Variants in MCTP1 observed in about 807,000 individuals in gnomAD.
MCTP1 encodes the protein multiple C2 and transmembrane domain containing 1, also known as multiple C2 and transmembrane domain-containing protein 1.
In MCTP1, 69 loss-of-function variants were observed where a neutral mutation model predicts 120.6. The observed-to-expected ratio is 0.57, with a 90% CI of 0.47 to 0.70. The LOEUF (loss-of-function observed/expected upper bound fraction) is 0.70, where lower values mean the gene tolerates loss of function less well. MCTP1 is among the 30% of genes least tolerant of loss of function. MCTP1 has a pLI of 0.00. For synonymous variants in MCTP1, 529 were observed against 493.1 expected, an observed-to-expected ratio of 1.07 and a Z score of -0.96; for missense variants, 1,203 against 1,248.8, an observed-to-expected ratio of 0.96 and a Z score of 0.55.
chr5:95,074,117 A>G (rs1752950964), intron 1 of MCTP1, among the ~76,000 whole-genome samples: 1 of 152,192 alleles, frequency 6.6e-6, no homozygotes, highest in South Asian at 2.1e-4. Context: ...CTCCGTCTCA[A>G]GAAAAAAAAG....
At chr5:95,005,504 T>G (rs2153644884) in intron 2 of MCTP1, among the ~76,000 whole-genome samples, 1 of 152,218 alleles carries the variant, frequency 6.6e-6, no homozygotes, top group East Asian at 1.9e-4. Context: ...TTCCCAGTGT[T>G]GAAGGAGGGA....
intron 12 of MCTP1, among the ~76,000 whole-genome samples, chr5:94,880,612 A>G (rs1799854729): frequency 6.6e-6 from 1 of 152,110 alleles, no homozygotes; most frequent in Non-Finnish European, 1.5e-5. Flanking sequence ...TAACTGCTAC[A>G]GTATCTTAGA....
At chr5:94,755,932 G>A (rs887806502) in intron 19 of MCTP1, among the ~76,000 whole-genome samples, 3 of 152,194 alleles carry the variant, frequency 2.0e-5, no homozygotes, top group East Asian at 1.9e-4. Context: ...TTTCAAACTC[G>A]ACATGTTAGA....
chr5:95,057,039 G>A (rs1257192591), intron 1 of MCTP1, among the ~76,000 whole-genome samples: 5 of 152,064 alleles, frequency 3.3e-5, no homozygotes, highest in Non-Finnish European at 7.4e-5. Flanking sequence ...ATTAAAAGGG[G>A]ATTGAAAAAT....
chr5:94,960,007 T>A (rs1166823546), intron 2 of MCTP1, among the ~76,000 whole-genome samples: 1 of 152,172 alleles, frequency 6.6e-6, no homozygotes, highest in African/African-American at 2.4e-5. Flanking sequence ...TCATGCTACC[T>A]GACTTCAAGC....
At chr5:95,165,440 T>C (rs1415046047) in intron 1 of MCTP1, among the ~76,000 whole-genome samples, 1 of 152,222 alleles carries the variant, frequency 6.6e-6, no homozygotes, top group Non-Finnish European at 1.5e-5. Flanking sequence ...GGAATTTTTT[T>C]CATGATACTG....
chr5:94,742,237 T>C (rs930767825), intron 19 of MCTP1, among the ~76,000 whole-genome samples: 1 of 152,228 alleles, frequency 6.6e-6, no homozygotes, highest in African/African-American at 2.4e-5. Context: ...ATTTTTCTTA[T>C]AGAGATGCGG....
chr5:95,183,007 T>A (rs1582464505), intron 1 of MCTP1, among the ~76,000 whole-genome samples: 2 of 135,374 alleles, frequency 1.5e-5, no homozygotes, highest in African/African-American at 2.8e-5. Flanking sequence ...GCCTGGGTGA[T>A]AGAGCAAGAC....
intron 10 of MCTP1, among the ~76,000 whole-genome samples, chr5:94,902,285 A>G (rs1181468313): frequency 6.6e-6 from 1 of 152,184 alleles, no homozygotes; most frequent in African/African-American, 2.4e-5. Flanking sequence ...GTCAGCCACG[A>G]TATAGCTCAC....
chr5:94,853,191 G>T (rs1045422808), intron 17 of MCTP1, among the ~76,000 whole-genome samples: 2 of 152,026 alleles, frequency 1.3e-5, no homozygotes, highest in African/African-American at 4.8e-5. Flanking sequence ...GAGGGTTGTG[G>T]GTAGGTAGGG....
chr5:94,718,661 G>GA (rs1001723376), intron 19 of MCTP1, among the ~76,000 whole-genome samples: 7 of 151,854 alleles, frequency 4.6e-5, no homozygotes, highest in African/African-American at 9.7e-5. Flanking sequence ...AAATTTACAA[G>GA]AAAAAAATCA....
chr5:94,807,380 T>C (rs544298282), intron 17 of MCTP1, among the ~76,000 whole-genome samples: 1 of 152,312 alleles, frequency 6.6e-6, no homozygotes, highest in East Asian at 1.9e-4. Context: ...ACCAATAAGA[T>C]TGGCCTTAAA....
intron 6 of MCTP1, among the ~76,000 whole-genome samples, chr5:94,929,294 A>G (rs771481747): frequency 6.6e-6 from 1 of 152,200 alleles, no homozygotes; most frequent in African/African-American, 2.4e-5. Context: ...TAGATTATCT[A>G]TTCACCATTG....
At chr5:95,113,381 G>T (rs894444505) in intron 1 of MCTP1, among the ~76,000 whole-genome samples, 1 of 152,022 alleles carries the variant, frequency 6.6e-6, no homozygotes, top group African/African-American at 2.4e-5. Flanking sequence ...CACTGGAGAG[G>T]TAGGAAAAGC....
chr5:95,183,274 C>G (rs1748821831), intron 1 of MCTP1, among the ~76,000 whole-genome samples: 3 of 151,818 alleles, frequency 2.0e-5, no homozygotes. Context: ...TCACACCATA[C>G]AAAGAATGAA....
At chr5:94,897,646 T>C (rs1804410445) in intron 10 of MCTP1, among the ~76,000 whole-genome samples, 1 of 152,206 alleles carries the variant, frequency 6.6e-6, no homozygotes, top group South Asian at 2.1e-4. Flanking sequence ...ATTACAGGCA[T>C]GAGCCACTGC....
intron 19 of MCTP1, among the ~76,000 whole-genome samples, chr5:94,752,121 A>ATATATATATATATATATATG (rs1768570904): frequency 1.6e-5 from 1 of 62,952 alleles, no homozygotes; most frequent in Non-Finnish European, 2.8e-5. Context: ...ATATATATAT[A>ATATATATATATATATATATG]TATATATATA....
chr5:95,185,812 A>G (rs958843326), intron 1 of MCTP1, among the ~76,000 whole-genome samples: 2 of 152,122 alleles, frequency 1.3e-5, no homozygotes, highest in Non-Finnish European at 2.9e-5. Context: ...CCTGGCCAAC[A>G]TGGTGAAACC....
chr5:94,834,889 C>T (rs1010529765), intron 17 of MCTP1, among the ~76,000 whole-genome samples: 3 of 147,390 alleles, frequency 2.0e-5, no homozygotes, highest in African/African-American at 5.1e-5. Context: ...GCAATCCCTG[C>T]TCAATGCAAC....
Sources: gnomAD v4.1 joint callset for allele counts (sites outside exome capture counted in the v4.1 genomes callset) on GRCh38, gnomAD v4.1.1 for gene constraint, MANE v1.5 for transcripts, NCBI Gene and HGNC (gene_info 2026-07-23, HGNC 2026-07-21) for gene names.